Variants in STK31 observed in about 807,000 individuals in gnomAD.
The protein encoded by STK31 is serine/threonine kinase 31.
Under a neutral mutation model 129.7 loss-of-function variants are expected in STK31, and 89 were observed. The observed-to-expected ratio is 0.69, with a 90% confidence interval of 0.58 to 0.82. The LOEUF (loss-of-function observed/expected upper bound fraction) is 0.82. STK31 is among the 40% of genes least tolerant of loss of function. The pLI is 0.00. For synonymous variants in STK31, 448 were observed against 395.3 expected, an observed-to-expected ratio of 1.13 and a Z score of -1.58; for missense variants, 1,187 against 1,176.4, an observed-to-expected ratio of 1.01 and a Z score of -0.13.
intron 4 of STK31, among the ~76,000 whole-genome samples, chr7:23,719,316 A>G (rs1333976191): frequency 6.6e-6 from 1 of 152,124 alleles, no homozygotes; most frequent in Non-Finnish European, 1.5e-5. Context: ...AATGAAAGAC[A>G]ATATGAAAAA....
chr7:23,738,810 C>G (rs1400692109), intron 8 of STK31, among the ~76,000 whole-genome samples: 1 of 152,172 alleles, frequency 6.6e-6, no homozygotes, highest in Non-Finnish European at 1.5e-5. Context: ...CTCTGCCTCC[C>G]AAAGTGCTGG....
At chr7:23,789,775 T>C (rs112014736) in intron 21 of STK31, among the ~76,000 whole-genome samples, 1,624 of 152,294 alleles carry the variant, frequency 0.011, 28 homozygotes, top group African/African-American at 0.037. Context: ...TGCATAATTA[T>C]AGATATGACT....
chr7:23,806,984 C>T (rs532745904), intron 22 of STK31, among the ~76,000 whole-genome samples: 2 of 151,022 alleles, frequency 1.3e-5, no homozygotes, highest in East Asian at 3.9e-4. Context: ...ACAGGAATTT[C>T]GTGTATTAAT....
chr7:23,829,805 T>C (rs765239262), intron 23 of STK31, among the ~76,000 whole-genome samples: 9 of 152,230 alleles, frequency 5.9e-5, no homozygotes, highest in Non-Finnish European at 8.8e-5. Flanking sequence ...CCAAATCCCG[T>C]TACTTGTTAC....
At chr7:23,806,022 C>T (rs1416062462) in intron 22 of STK31, among the ~76,000 whole-genome samples, 1 of 152,250 alleles carries the variant, frequency 6.6e-6, no homozygotes, top group Admixed American at 6.5e-5. Context: ...TTTAGTGTCT[C>T]GAGGCTCCAT....
At chr7:23,779,789 C>T (rs1197289948) in intron 15 of STK31, among the ~76,000 whole-genome samples, 1 of 152,234 alleles carries the variant, frequency 6.6e-6, no homozygotes, top group Non-Finnish European at 1.5e-5. Context: ...GGGGTGGGAT[C>T]TGCTGAGCAG....
At chr7:23,743,043 C>A (rs985494721) in intron 8 of STK31, among the ~76,000 whole-genome samples, 1 of 151,772 alleles carries the variant, frequency 6.6e-6, no homozygotes, top group African/African-American at 2.4e-5. Context: ...ACCTCCACCT[C>A]CCAAGTTCAA....
intron 23 of STK31, among the ~76,000 whole-genome samples, chr7:23,825,956 T>A (rs991556644): frequency 6.6e-6 from 1 of 152,220 alleles, no homozygotes; most frequent in Non-Finnish European, 1.5e-5. Flanking sequence ...CACTGTGGTC[T>A]GAGAGACAGT....
At chr7:23,830,421 C>G (rs967242201) in intron 23 of STK31, among the ~76,000 whole-genome samples, 1 of 151,958 alleles carries the variant, frequency 6.6e-6, no homozygotes, top group African/African-American at 2.4e-5. Flanking sequence ...TTTGCTATAT[C>G]TCATCAGTTT....
intron 6 of STK31, 111 bp from the exon 7 acceptor site, chr7:23,735,427 A>T: frequency 1.1e-6 from 1 of 940,980 alleles, no homozygotes; most frequent in Non-Finnish European, 1.6e-6. Flanking sequence ...CAGCAAAGTA[A>T]TATAGAGATT....
chr7:23,782,472 A>T (rs1396328473), intron 16 of STK31, among the ~76,000 whole-genome samples: 5 of 31,844 alleles, frequency 1.6e-4, no homozygotes, highest in African/African-American at 1.3e-3. Context: ...ACCCTGTCTC[A>T]AAAAAAAAAA....
chr7:23,758,455 G>C (rs918479986), intron 10 of STK31, among the ~76,000 whole-genome samples: 12 of 151,278 alleles, frequency 7.9e-5, no homozygotes, highest in African/African-American at 2.2e-4. Context: ...TTTTTTGTGT[G>C]TGTGTGTCTC....
intron 16 of STK31, among the ~76,000 whole-genome samples, chr7:23,782,324 T>G (rs1790979449): frequency 7.0e-6 from 1 of 142,466 alleles, no homozygotes; most frequent in African/African-American, 2.5e-5. Flanking sequence ...ATACAACAAT[T>G]AGCTGGTCAT....
intron 6 of STK31, 34 bp downstream of exon 6, chr7:23,729,283 A>G (rs777976501): frequency 6.5e-7 from 1 of 1,545,472 alleles, no homozygotes; most frequent in East Asian, 2.3e-5. Flanking sequence ...TTTGCTAATG[A>G]AAGTAAAACT....
chr7:23,807,621 AATGCATT>A (rs1399294401), intron 22 of STK31, among the ~76,000 whole-genome samples: 1 of 152,036 alleles, frequency 6.6e-6, no homozygotes, highest in East Asian at 1.9e-4. Flanking sequence ...TATTTACTCA[AATGCATT>A]TTAGCCCCCC....
intron 23 of STK31, among the ~76,000 whole-genome samples, chr7:23,831,020 T>G (rs1794513178): frequency 6.6e-6 from 1 of 152,196 alleles, no homozygotes; most frequent in Admixed American, 6.5e-5. Context: ...TTTAAAACAT[T>G]TTTTGAGCTT....
chr7:23,831,877 T>TC (rs1794570202), intron 23 of STK31, among the ~76,000 whole-genome samples: 1 of 152,058 alleles, frequency 6.6e-6, no homozygotes, highest in Non-Finnish European at 1.5e-5. Flanking sequence ...CTCAGGTGAT[T>TC]CCCCCCACCA....
At chr7:23,714,278 G>A (rs1055424054) in intron 3 of STK31, among the ~76,000 whole-genome samples, 1 of 152,182 alleles carries the variant, frequency 6.6e-6, no homozygotes, top group Non-Finnish European at 1.5e-5. Context: ...TTGCTCACAC[G>A]TTCTGGTTCC....
At position 23,769,096 on chromosome 7, in the gene STK31, A is replaced by G; in HGVS notation, c.1518A>G (p.Arg506=). ...KKFYDWKCDK[R]EEFTSVRSET... The stretch of plus-strand genomic sequence containing the variant: ...TTTATGACTGGAAGTGTGATAAAAG[A>G]GAGGAGTTCACCAGTGTTAGAAGTG... The change falls in exon 12 of 24, where the codon AGA becomes AGG. Residue 506 remains arginine, a synonymous_variant. Coordinates refer to ENST00000355870, the MANE Select transcript of STK31 (RefSeq NM_031414.5). The G allele has an allele frequency of 6.2e-7, 1 of 1,613,364 alleles. No individual in the cohort carries two copies. The highest frequency in any genetic ancestry group is 1.1e-5 in the South Asian group (1 of 90,884).
Sources: gnomAD v4.1 joint callset for allele counts (sites outside exome capture counted in the v4.1 genomes callset) on GRCh38, gnomAD v4.1.1 for gene constraint, MANE v1.5 for transcripts, NCBI Gene and HGNC (gene_info 2026-07-23, HGNC 2026-07-21) for gene names.